Variants in TCF7L2 observed in about 807,000 individuals in gnomAD.
TCF7L2 encodes the protein transcription factor 7 like 2.
TCF7L2 carries 23 observed loss-of-function variants against 77.9 expected under a neutral mutation model. That is an observed-to-expected ratio of 0.30 (90% confidence interval 0.21 to 0.42). The LOEUF is 0.42. TCF7L2 is among the 10% of genes least tolerant of loss of function. TCF7L2 has a pLI of 1.00. For missense variants in TCF7L2, 654 were observed against 793.1 expected (o/e 0.82, Z 2.11); for synonymous variants, 413 against 340.2 (o/e 1.21, Z -2.36).
intron 5 of TCF7L2, among the ~76,000 whole-genome samples, chr10:113,116,789 A>G (rs1229729325): frequency 6.6e-6 from 1 of 152,160 alleles, no homozygotes; most frequent in Admixed American, 6.5e-5. Flanking sequence ...TTTATTACAT[A>G]CAAAAATAAA....
At chr10:112,995,560 G>A (rs2043316877) in intron 4 of TCF7L2, among the ~76,000 whole-genome samples, 1 of 152,132 alleles carries the variant, frequency 6.6e-6, no homozygotes, top group Non-Finnish European at 1.5e-5. Context: ...GACTTCAGGC[G>A]AGTCACCCCA....
chr10:113,048,406 G>A (rs1283675182), intron 5 of TCF7L2, among the ~76,000 whole-genome samples: 1 of 152,100 alleles, frequency 6.6e-6, no homozygotes, highest in African/African-American at 2.4e-5. Flanking sequence ...TTCACATGTG[G>A]CTCTCTCTCC....
chr10:113,022,537 C>T (rs2048422686), intron 4 of TCF7L2, among the ~76,000 whole-genome samples: 1 of 152,176 alleles, frequency 6.6e-6, no homozygotes, highest in African/African-American at 2.4e-5. Flanking sequence ...TTTGGTCACT[C>T]TGCTTTACTT....
At chr10:112,983,432 G>C (rs939867649) in intron 4 of TCF7L2, among the ~76,000 whole-genome samples, 5 of 152,044 alleles carry the variant, frequency 3.3e-5, no homozygotes, top group Non-Finnish European at 5.9e-5. Flanking sequence ...CCGAGATCGC[G>C]CCACTGCACT....
At chr10:112,997,631 C>T (rs548419855) in intron 4 of TCF7L2, among the ~76,000 whole-genome samples, 1 of 152,316 alleles carries the variant, frequency 6.6e-6, no homozygotes, top group African/African-American at 2.4e-5. Flanking sequence ...TGACCAGGGA[C>T]CTGAGGGGCA....
chr10:112,994,530 A>T (rs1474521575), intron 4 of TCF7L2, among the ~76,000 whole-genome samples: 2 of 152,094 alleles, frequency 1.3e-5, no homozygotes, highest in Non-Finnish European at 2.9e-5. Flanking sequence ...TTTTGTATTG[A>T]CATGTTTTCA....
At chr10:112,962,764 A>G (rs2035597224) in intron 3 of TCF7L2, among the ~76,000 whole-genome samples, 2 of 152,050 alleles carry the variant, frequency 1.3e-5, no homozygotes, top group South Asian at 4.1e-4. Flanking sequence ...ACGCCTGGCT[A>G]ATTTTTGTAT....
intron 4 of TCF7L2, among the ~76,000 whole-genome samples, chr10:112,966,987 G>A (rs2037080779): frequency 6.6e-6 from 1 of 152,130 alleles, no homozygotes; most frequent in South Asian, 2.1e-4. Flanking sequence ...TGCTAGACCC[G>A]CACAAGGCCA....
chr10:113,151,924 G>C lies in TCF7L2; in HGVS notation c.1161+40G>C, dbSNP rs2070816949. The C allele has an allele frequency of 6.4e-7, 1 of 1,570,262 alleles. No individual in the cohort carries two copies. The highest frequency in any genetic ancestry group is 1.4e-5 in the African/African-American group (1 of 72,802). The stretch of plus-strand genomic sequence containing the variant: ...TCTCAGGGAGAAGCGGGGGGCGGGT[G>C]GTGAGGGACCAGAGTGCAGCAGGTC... On this transcript the variant is annotated intron_variant, in intron 10 of 13. Coordinates refer to ENST00000627217, the MANE Select transcript of TCF7L2 (RefSeq NM_001146274.2). This position sits in a 1 kb window ranked among gnomAD's most constrained non-coding sequence, Gnocchi z 5.2.
intron 5 of TCF7L2, among the ~76,000 whole-genome samples, chr10:113,100,161 A>G (rs372177418): frequency 1.3e-5 from 2 of 152,304 alleles, no homozygotes; most frequent in East Asian, 3.9e-4. Context: ...CAGGTGGGAG[A>G]AGAATGGCTT....
At chr10:113,033,689 A>G (rs1311995958) in intron 4 of TCF7L2, among the ~76,000 whole-genome samples, 3 of 152,290 alleles carry the variant, frequency 2.0e-5, no homozygotes, top group African/African-American at 7.2e-5. Flanking sequence ...CTTTTTCTAT[A>G]CAGTCATGCT....
At chr10:113,133,414 T>C (rs2066911688) in intron 5 of TCF7L2, 2 of 151,860 alleles carry the variant, frequency 1.3e-5, no homozygotes, top group African/African-American at 4.8e-5. Context: ...AGCCCTTCCA[T>C]CCTCCTTTTG....
chr10:113,165,425 C>A (rs574507412), intron 13 of TCF7L2, 130 bp from the exon 15 acceptor site: 4 of 1,029,192 alleles, frequency 3.9e-6, no homozygotes, highest in African/African-American at 1.6e-5. Flanking sequence ...TAATTGTCCT[C>A]GGACCACTGG....
Position 113,151,192 on chromosome 10 carries a change from G to A in TCF7L2, c.1001+69G>A. 6.2e-7 allele frequency: 1 copy of A among 1,605,388 alleles called. No individual in the cohort carries two copies. Among genetic ancestry groups the A allele is most frequent in the South Asian group, 1.1e-5 (1 of 89,898 alleles). On this transcript the variant is annotated intron_variant, in intron 9 of 13. Transcript: ENST00000627217. The surrounding 1 kb of genome is among the most constrained non-coding windows in gnomAD (Gnocchi z 5.2). ...TCTGCAAGCCTGTTGCAGCTGCTGG[G>A]TGGTGGCTTTCTGCCTAAGGTTGGC...
chr10:112,967,371 G>A (rs945819479), intron 4 of TCF7L2, among the ~76,000 whole-genome samples: 1 of 152,062 alleles, frequency 6.6e-6, no homozygotes, highest in Non-Finnish European at 1.5e-5. Flanking sequence ...AGACTCATAC[G>A]ACTCATACTC....
At chr10:113,046,462 T>C (rs1254526106) in intron 5 of TCF7L2, among the ~76,000 whole-genome samples, 1 of 152,200 alleles carries the variant, frequency 6.6e-6, no homozygotes, top group East Asian at 1.9e-4. Context: ...GTTCTACCTT[T>C]AGGGAGCTGC....
At chr10:113,011,097 A>G (rs2046374601) in intron 4 of TCF7L2, among the ~76,000 whole-genome samples, 1 of 152,206 alleles carries the variant, frequency 6.6e-6, no homozygotes. Flanking sequence ...ACCTTGAAGA[A>G]ACCCTGCTTT....
intron 5 of TCF7L2, among the ~76,000 whole-genome samples, chr10:113,079,682 G>A (rs965544125): frequency 6.6e-6 from 1 of 151,922 alleles, no homozygotes; most frequent in Non-Finnish European, 1.5e-5. Context: ...TTCTGAGACA[G>A]AGTCTCGCTC....
At chr10:112,994,067 AAAG>A (rs1381833125) in intron 4 of TCF7L2, among the ~76,000 whole-genome samples, 1 of 152,062 alleles carries the variant, frequency 6.6e-6, no homozygotes, top group Non-Finnish European at 1.5e-5. Context: ...AAAAAAAAAA[AAAG>A]AAAGTAGCAG....
Sources: allele counts gnomAD v4.1 joint callset (sites outside exome capture counted in the v4.1 genomes callset), GRCh38; gene constraint gnomAD v4.1.1; non-coding constraint Gnocchi (gnomAD v3.1); transcripts MANE v1.5; gene names NCBI Gene and HGNC (gene_info 2026-07-23, HGNC 2026-07-21).